LARGE1: variants seen among roughly 807,000 people sequenced by gnomAD.
LARGE1 encodes the protein xylosyl- and glucuronyltransferase LARGE1.
Under a neutral mutation model 87.6 loss-of-function variants are expected in LARGE1, and 43 were observed. The observed-to-expected ratio is 0.49, with a 90% CI of 0.38 to 0.63. The LOEUF (loss-of-function observed/expected upper bound fraction) is 0.63, where lower values mean the gene tolerates loss of function less well. Ranked by LOEUF, LARGE1 falls within the 30% of genes least tolerant of loss-of-function variation. The pLI, the probability that LARGE1 is intolerant of heterozygous loss-of-function variation, is 0.00. For synonymous variants in LARGE1, 434 were observed against 394.6 expected (o/e 1.10, Z -1.18); for missense variants, 802 against 1,000.2 (o/e 0.80, Z 2.67).
chr22:33,789,806 C>CA (rs1176209831), intron 1 of LARGE1, among the ~76,000 whole-genome samples: 2 of 152,204 alleles, frequency 1.3e-5, no homozygotes, highest in African/African-American at 2.4e-5. Flanking sequence ...AATTTTTACC[C>CA]AAGCCCTGTA....
At chr22:33,078,432 CTAATT>C in the LARGE1 span, among the ~76,000 whole-genome samples, 26 of 152,198 alleles carry the variant, frequency 1.7e-4, no homozygotes, top group African/African-American at 5.8e-4. Context: ...GCTACATTAT[CTAATT>C]TAATCCATGT....
intron 5 of LARGE1, among the ~76,000 whole-genome samples, chr22:33,599,235 A>T (rs2079054715): frequency 6.6e-6 from 1 of 152,228 alleles, no homozygotes; most frequent in Admixed American, 6.5e-5. Flanking sequence ...TCTAATCTTA[A>T]GCAAATGCTC....
chr22:33,565,640 A>G (rs1238083877), intron 5 of LARGE1, among the ~76,000 whole-genome samples: 1 of 150,204 alleles, frequency 6.7e-6, no homozygotes, highest in African/African-American at 2.5e-5. Context: ...AGGAGGACCT[A>G]GTCATCACGT....
intron 6 of LARGE1, among the ~76,000 whole-genome samples, chr22:33,547,501 C>G (rs2077394678): frequency 6.6e-6 from 1 of 152,018 alleles, no homozygotes; most frequent in Non-Finnish European, 1.5e-5. Flanking sequence ...TAGACCATAC[C>G]AGGCTTCTTA....
the LARGE1 span, among the ~76,000 whole-genome samples, chr22:33,083,699 G>A: frequency 6.6e-6 from 1 of 152,158 alleles, no homozygotes; most frequent in Non-Finnish European, 1.5e-5. Flanking sequence ...GTTGAATGAG[G>A]GAGGACTGTC....
intron 2 of LARGE1, among the ~76,000 whole-genome samples, chr22:33,684,420 C>T (rs896760986): frequency 1.3e-5 from 2 of 152,032 alleles, no homozygotes; most frequent in African/African-American, 4.8e-5. Context: ...CCCTGATCTG[C>T]CCCCGAGAAA....
chr22:33,555,954 T>A (rs2077664550), intron 6 of LARGE1, among the ~76,000 whole-genome samples: 2 of 148,774 alleles, frequency 1.3e-5, no homozygotes, highest in Non-Finnish European at 3.0e-5. Context: ...AAAGTGTAGA[T>A]TTAATGTTTA....
At chr22:33,723,425 T>C (rs1386162132) in intron 2 of LARGE1, among the ~76,000 whole-genome samples, 4 of 152,180 alleles carry the variant, frequency 2.6e-5, no homozygotes, top group African/African-American at 9.7e-5. Context: ...AATCAGCTCA[T>C]GTCTACAGAT....
intron 9 of LARGE1, among the ~76,000 whole-genome samples, chr22:33,358,494 T>A (rs2064261803): frequency 1.3e-5 from 2 of 152,194 alleles, no homozygotes; most frequent in Admixed American, 1.3e-4. Context: ...CTAACTATTA[T>A]AAAATGTTTC....
intron 11 of LARGE1, among the ~76,000 whole-genome samples, chr22:33,185,418 G>A (rs1212663458): frequency 6.6e-6 from 1 of 152,056 alleles, no homozygotes; most frequent in Admixed American, 6.5e-5. Context: ...GGGATGAATT[G>A]GTGAAACATG....
intron 1 of LARGE1, among the ~76,000 whole-genome samples, chr22:33,788,899 G>A (rs961259322): frequency 6.6e-6 from 1 of 152,172 alleles, no homozygotes; most frequent in Non-Finnish European, 1.5e-5. Context: ...TACAAGAGAA[G>A]CAAAGCATAA....
chr22:33,458,246 C>T (rs2068221254), intron 6 of LARGE1, among the ~76,000 whole-genome samples: 1 of 150,912 alleles, frequency 6.6e-6, no homozygotes, highest in Non-Finnish European at 1.5e-5. Flanking sequence ...GCTGGGACTA[C>T]AGGTGCTGCC....
chr22:33,376,708 T>C (rs2065005930), intron 9 of LARGE1, among the ~76,000 whole-genome samples: 1 of 152,266 alleles, frequency 6.6e-6, no homozygotes, highest in African/African-American at 2.4e-5. Context: ...AAACTGTTCT[T>C]GTCACATCAC....
chr22:33,696,106 C>T (rs1018940861), intron 2 of LARGE1, among the ~76,000 whole-genome samples: 10 of 152,126 alleles, frequency 6.6e-5, no homozygotes, highest in Admixed American at 2.0e-4. Context: ...ATGATATTAA[C>T]GGAACACAAA....
intron 1 of LARGE1, among the ~76,000 whole-genome samples, chr22:33,887,656 T>G (rs1412759102): frequency 6.6e-6 from 1 of 151,918 alleles, no homozygotes; most frequent in Non-Finnish European, 1.5e-5. Flanking sequence ...GAGAACTGCT[T>G]GAGCCTGGAG....
chr22:33,380,869 C>T (rs1358469024), intron 9 of LARGE1, among the ~76,000 whole-genome samples: 1 of 152,208 alleles, frequency 6.6e-6, no homozygotes, highest in Admixed American at 6.5e-5. Context: ...GTCAGACAGG[C>T]CTGTGTTGAA....
chr22:33,817,731 G>A (rs2267294), intron 1 of LARGE1, among the ~76,000 whole-genome samples: 29,525 of 152,112 alleles, frequency 0.19, 3,418 homozygotes, highest in Admixed American at 0.33. Flanking sequence ...ATCACAGACA[G>A]GCTCTCACCG....
At chr22:33,870,556 GTGTTGTTGT>G (rs67447726) in intron 1 of LARGE1, among the ~76,000 whole-genome samples, 33 of 150,442 alleles carry the variant, frequency 2.2e-4, no homozygotes, top group Admixed American at 9.3e-4. Context: ...ATGACTGTCT[GTGTTGTTGT>G]TGTTGTTGTT....
chr22:33,909,407 C>T (rs2065554956), intron 1 of LARGE1, among the ~76,000 whole-genome samples: 1 of 152,194 alleles, frequency 6.6e-6, no homozygotes, highest in African/African-American at 2.4e-5. Context: ...TTGTCCCAGG[C>T]ACGATGCAGG....
Sources: gnomAD v4.1 joint callset for allele counts (sites outside exome capture counted in the v4.1 genomes callset) on GRCh38, gnomAD v4.1.1 for gene constraint, MANE v1.5 for transcripts, NCBI Gene and HGNC (gene_info 2026-07-23, HGNC 2026-07-21) for gene names.